The following ALPK1 variants were observed in gnomAD, a reference collection of about 807,000 sequenced individuals.
The protein encoded by ALPK1 is alpha-protein kinase 1.
ALPK1 carries 110 observed loss-of-function variants against 120.6 expected under a neutral mutation model. The observed-to-expected ratio is 0.91, with a 90% CI of 0.78 to 1.07. ALPK1 has a LOEUF of 1.07. Ranked by LOEUF, ALPK1 falls within the 50% of genes least tolerant of loss-of-function variation. ALPK1 has a pLI of 0.00. For missense variants in ALPK1, 1,498 were observed against 1,483.9 expected (o/e 1.01, Z -0.16); for synonymous variants, 582 against 560.3 (o/e 1.04, Z -0.55).
chr4:112,307,606 C>T (rs545564991), intron 1 of ALPK1, among the ~76,000 whole-genome samples: 3 of 152,140 alleles, frequency 2.0e-5, no homozygotes, highest in Non-Finnish European at 4.4e-5. Flanking sequence ...CTTGGTAGAT[C>T]TTTCTCCATC....
Position 112,357,907 on chromosome 4 carries a change from A to G in ALPK1, c.-100-19771A>G, listed in dbSNP as rs563367813. The G allele has an allele frequency of 1.0e-4, 111 of 1,096,394 alleles. 2 individuals carry two copies. The South Asian group carries it at 1.4e-3, about 14-fold the overall frequency. The allele number at this position is 1,096,394 out of a possible 1,614,324, so 67.9% of individuals were successfully genotyped here. A position where few individuals can be genotyped will look rare whatever the true frequency, so the allele number is the denominator to read the frequency against. On this transcript the variant is annotated intron_variant, in intron 2 of 15. Transcript: ENST00000650871. ...GTTTGTGGAGCCCAGGAGCAAAGGCAGCTTCTCTGAGACCATGGGTGCTTA... is the reference window on the plus strand; with the variant it reads ...GTTTGTGGAGCCCAGGAGCAAAGGCGGCTTCTCTGAGACCATGGGTGCTTA...
rs554055812 is a variant in ALPK1 at position 112,426,401 on chromosome 4, A to G, written c.623-66A>G. ...GTATTTGTTTTCAAAGGTTTTCTCT[A>G]TACAAGAGCACAGATACTAGCTGTT... On this transcript the variant is annotated intron_variant, in intron 7 of 15. Coordinates refer to ENST00000650871, the MANE Select transcript of ALPK1 (RefSeq NM_025144.4). 50 of 1,263,662 alleles carry G rather than the reference A, an allele frequency of 4.0e-5. No individual in the cohort carries two copies. In the African/African-American group the frequency reaches 7.0e-4, roughly 18 times the overall value. The allele number at this position is 1,263,662 out of a possible 1,614,324, so 78.3% of individuals were successfully genotyped here.
At chr4:112,423,530 C>T (rs1734092888) in intron 5 of ALPK1, among the ~76,000 whole-genome samples, 1 of 152,154 alleles carries the variant, frequency 6.6e-6, no homozygotes, top group African/African-American at 2.4e-5. Context: ...AAAGAATCTC[C>T]TCACTCCCCA....
At chr4:112,357,528 G>T in intron 2 of ALPK1, 1 of 955,672 alleles carries the variant, frequency 1.0e-6, no homozygotes, top group East Asian at 2.5e-5. Context: ...TGGTCTGTCA[G>T]GGCATCTGCT....
At chr4:112,379,760 A>G (rs146073029) in intron 3 of ALPK1, among the ~76,000 whole-genome samples, 1 of 152,332 alleles carries the variant, frequency 6.6e-6, no homozygotes, top group East Asian at 1.9e-4. Context: ...CCTTGTTAGC[A>G]TGGGTGACTA....
rs199994656 is a variant in ALPK1 at position 112,377,832 on chromosome 4, G to A, written c.55G>A (p.Asp19Asn). Reference sequence around the variant, plus strand: ...ACTGCAAGAGTGCAAGCAAGTGCTGGATCAGCTCTTGTTGGAAGCGCCAGA... The same window carrying A: ...ACTGCAAGAGTGCAAGCAAGTGCTGAATCAGCTCTTGTTGGAAGCGCCAGA... ...VLLQECKQVL[D>N]QLLLEAPDVS... Residue 19 changes from aspartate to asparagine, a missense_variant, in exon 3 of 16, where the codon GAT (aspartate) becomes AAT (asparagine). Physicochemically the swap from Asp to Asn is conservative, Grantham distance 23 (BLOSUM62 1). Coordinates refer to ENST00000650871, the MANE Select transcript of ALPK1 (RefSeq NM_025144.4). 2.9e-5 allele frequency: 46 copies of A among 1,613,580 alleles called. No individual in the cohort carries two copies. In the African/African-American group the frequency reaches 5.2e-4, roughly 18 times the overall value.
Position 112,334,051 on chromosome 4 carries a change from A to G in ALPK1, c.-101+18199A>G, listed in dbSNP as rs572001964. The stretch of plus-strand genomic sequence containing the variant: ...TTTATAATTTTTACAAATGTATAGT[A>G]CTGTGTAACGAACACCCTCATCAAG... On this transcript the variant is annotated intron_variant, in intron 2 of 15. Coordinates refer to ENST00000650871, the MANE Select transcript of ALPK1 (RefSeq NM_025144.4). Among the ~76,000 whole-genome samples the G allele has an allele frequency of 8.3e-4, 127 of 152,270 alleles. 4 individuals are homozygous for G. In the South Asian group the frequency reaches 0.025, roughly 30 times the overall value.
In ALPK1 at chr4:112,382,289, C is replaced by CTTTTTT. The variant is rs34345428; in HGVS notation, c.122-93_122-88dup. 2.7e-4 allele frequency: 183 copies of CTTTTTT among 671,362 alleles called. No homozygotes were observed. In the African/African-American group the frequency reaches 3.0e-3, roughly 11 times the overall value. 41.6% of individuals were successfully genotyped at this position (671,362 alleles called of 1,614,324 possible). On this transcript the variant is annotated intron_variant, in intron 3 of 15. Transcript: ENST00000650871. ...CAAGAGGCAGGGAAAAGGTTTTTCTCTTTTTTTTTTTTTTTTTTTTTGCCA... is the reference window on the plus strand; with the variant it reads ...CAAGAGGCAGGGAAAAGGTTTTTCTCTTTTTTTTTTTTTTTTTTTTTTTTTTTGCCA...
At chr4:112,435,614 A>G (rs1414852193) in intron 12 of ALPK1, among the ~76,000 whole-genome samples, 1 of 130,208 alleles carries the variant, frequency 7.7e-6, no homozygotes. Context: ...AGCCTTCAAT[A>G]TTCACTAAAA....
chr4:112,357,165 G>A, intron 2 of ALPK1: 2 of 1,520,322 alleles, frequency 1.3e-6, no homozygotes, highest in African/African-American at 1.4e-5. Flanking sequence ...AAGCCAGGGA[G>A]CTACATCTTT....
chr4:112,359,866 C>G (rs1423354075), intron 2 of ALPK1: 5 of 313,932 alleles, frequency 1.6e-5, no homozygotes, highest in Non-Finnish European at 3.1e-5. Flanking sequence ...TGATCACCTG[C>G]CTGTCCAGCT....
At chr4:112,301,818 T>A (rs1354436225) in intron 1 of ALPK1, among the ~76,000 whole-genome samples, 1 of 152,186 alleles carries the variant, frequency 6.6e-6, no homozygotes, top group Non-Finnish European at 1.5e-5. Context: ...GTGATTGTGA[T>A]CACGGCTCAT....
At chr4:112,326,378 G>A (rs1382480492) in intron 2 of ALPK1, among the ~76,000 whole-genome samples, 3 of 152,110 alleles carry the variant, frequency 2.0e-5, no homozygotes, top group Admixed American at 6.5e-5. Context: ...TCATAAATAG[G>A]TCAGATAAAG....
chr4:112,297,700 T>C (rs546640961), intron 1 of ALPK1, among the ~76,000 whole-genome samples: 1 of 152,180 alleles, frequency 6.6e-6, no homozygotes, highest in Non-Finnish European at 1.5e-5. Context: ...AGGGAAAAGT[T>C]ACCTACAATG....
At position 112,378,067 on chromosome 4, in the gene ALPK1, G is replaced by A. The variant is rs191385139; in HGVS notation, c.121+169G>A. On this transcript the variant is annotated intron_variant, in intron 3 of 15. Transcript: ENST00000650871. ...AATGGGACATGGGCTGCGGGCGGAC[G>A]GGCAGGGGAGGAAGCCCACTTTGTT... is the stretch of plus-strand genomic sequence containing the variant. 4.0e-5 allele frequency among the ~76,000 whole-genome samples: 6 copies of A among 151,852 alleles called. No individual in the cohort carries two copies. The East Asian group carries it at 5.9e-4, about 15-fold the overall frequency.
chr4:112,307,823 A>T (rs963074960), intron 1 of ALPK1, among the ~76,000 whole-genome samples: 1 of 152,086 alleles, frequency 6.6e-6, no homozygotes, highest in Non-Finnish European at 1.5e-5. Context: ...TCATTAGTTG[A>T]TGCAGTTTCT....
In ALPK1 at chr4:112,371,617, C is replaced by T. The variant is rs140106714; in HGVS notation, c.-100-6061C>T. Among the ~76,000 whole-genome samples the T allele has an allele frequency of 5.9e-3, 894 of 152,344 alleles. 4 individuals are homozygous for T. The highest frequency in any genetic ancestry group is 0.011 in the Admixed American group (174 of 15,304). On this transcript the variant is annotated intron_variant, in intron 2 of 15. Coordinates refer to ENST00000650871, the MANE Select transcript of ALPK1 (RefSeq NM_025144.4). ...CTTTACTCAAGTGATTAGGTCAAGTCCTGTTGTTTGCCTTCATACAACTGC... is the reference window on the plus strand; with the variant it reads ...CTTTACTCAAGTGATTAGGTCAAGTTCTGTTGTTTGCCTTCATACAACTGC...
At chr4:112,436,622 T>C (rs181060836) in intron 12 of ALPK1, among the ~76,000 whole-genome samples, 6 of 152,342 alleles carry the variant, frequency 3.9e-5, no homozygotes, top group Admixed American at 2.6e-4. Flanking sequence ...GTAGTTATGT[T>C]GCCTCATAGC....
intron 2 of ALPK1, among the ~76,000 whole-genome samples, chr4:112,328,401 G>A (rs532933188): frequency 1.3e-5 from 2 of 152,226 alleles, no homozygotes; most frequent in Non-Finnish European, 2.9e-5. Flanking sequence ...AAATGCATAC[G>A]TAACACTACT....
Sources: allele counts gnomAD v4.1 joint callset (sites outside exome capture counted in the v4.1 genomes callset), GRCh38; gene constraint gnomAD v4.1.1; transcripts MANE v1.5; gene names NCBI Gene and HGNC (gene_info 2026-07-23, HGNC 2026-07-21).